The following KIF24 variants were observed in gnomAD, a reference collection of about 807,000 sequenced individuals.
KIF24 encodes the protein kinesin-like protein KIF24.
In KIF24, 81 loss-of-function variants were observed where a neutral mutation model predicts 118.9. That is an observed-to-expected ratio of 0.68 (90% CI 0.57 to 0.82). The LOEUF (loss-of-function observed/expected upper bound fraction) is 0.82. Ranked by LOEUF, KIF24 falls within the 40% of genes least tolerant of loss-of-function variation. The pLI, the probability that KIF24 is intolerant of heterozygous loss-of-function variation, is 0.00. For synonymous variants in KIF24, 599 were observed against 610.0 expected (o/e 0.98, Z 0.27); for missense variants, 1,560 against 1,661.6 (o/e 0.94, Z 1.06).
chr9:34,280,330 A>G (rs923988479), intron 6 of KIF24, among the ~76,000 whole-genome samples: 4 of 148,452 alleles, frequency 2.7e-5, no homozygotes, highest in Non-Finnish European at 5.9e-5. Flanking sequence ...AGTGCCATAA[A>G]CTCTTCCAGG....
intron 1 of KIF24, among the ~76,000 whole-genome samples, chr9:34,324,902 T>A (rs903524747): frequency 1.3e-5 from 2 of 152,208 alleles, no homozygotes; most frequent in African/African-American, 4.8e-5. Context: ...TCTCCCCCAA[T>A]GTGATCAGAT....
chr9:34,320,132 G>C (rs904360905), intron 1 of KIF24, among the ~76,000 whole-genome samples: 1 of 152,082 alleles, frequency 6.6e-6, no homozygotes, highest in Non-Finnish European at 1.5e-5. Flanking sequence ...GAATGACCTG[G>C]CCCCATTGAG....
chr9:34,322,306 G>C (rs1381393934), intron 1 of KIF24, among the ~76,000 whole-genome samples: 1 of 151,948 alleles, frequency 6.6e-6, no homozygotes, highest in Non-Finnish European at 1.5e-5. Flanking sequence ...AAGAAACCCA[G>C]TACCCAGTGG....
At chr9:34,311,725 C>T (rs12686003) in intron 1 of KIF24, among the ~76,000 whole-genome samples, 2 of 133,952 alleles carry the variant, frequency 1.5e-5, no homozygotes, top group Non-Finnish European at 3.1e-5. Context: ...TATGTATATA[C>T]ACGTATATAT....
chr9:34,319,774 C>A (rs1837455304), intron 1 of KIF24: 7 of 583,396 alleles, frequency 1.2e-5, no homozygotes, highest in Non-Finnish European at 2.2e-5. Flanking sequence ...TGGGGGTGGA[C>A]AAACAAACCA....
Position 34,256,371 on chromosome 9 carries a change from C to T in KIF24, c.3236G>A (p.Ser1079Asn). 6.2e-7 allele frequency: 1 copy of T among 1,613,904 alleles called. No homozygotes were observed. Among genetic ancestry groups the T allele is most frequent in the African/African-American group, 1.3e-5 (1 of 75,062 alleles). ...EQLVQDGATH[S>N]LVAESTGGPV... ...GCCCCCTGTGCTCTCTGCCACTAGA[C>T]TGTGCGTAGCCCCATCCTGGACCAG... Residue 1079 changes from serine to asparagine, a missense_variant, in exon 11 of 13, where the codon AGT becomes AAT. Around this residue, in one of 3 missense-constraint regions of KIF24, gnomAD observed 591 missense variants for 655.6 expected, o/e 0.90. Coordinates refer to ENST00000402558, the MANE Select transcript of KIF24 (RefSeq NM_194313.4).
At position 34,329,166 on chromosome 9, in the gene KIF24, G is replaced by A. The variant is rs999616126; in HGVS notation, c.-86C>T. Among the ~76,000 whole-genome samples, 1 of 152,232 alleles carries A rather than the reference G, an allele frequency of 6.6e-6. No homozygotes were observed. Among genetic ancestry groups the A allele is most frequent in the African/African-American group, 2.4e-5 (1 of 41,458 alleles). On this transcript the variant is annotated 5_prime_UTR_variant, in exon 1 of 13. Coordinates refer to ENST00000402558, the MANE Select transcript of KIF24 (RefSeq NM_194313.4). ...AGAGGAGAAGACAATGCCGTCGGGA[G>A]TGAGCCCCAAAGCCCGCAACCTAAC...
intron 12 of KIF24, 26 bp downstream of exon 12, chr9:34,255,046 G>A: frequency 6.8e-7 from 1 of 1,477,938 alleles, no homozygotes; most frequent in Non-Finnish European, 9.3e-7. Flanking sequence ...CCAACAGCCT[G>A]TGAGTGTCCA....
intron 4 of KIF24, among the ~76,000 whole-genome samples, chr9:34,294,503 G>A (rs896630536): frequency 6.6e-6 from 1 of 151,814 alleles, no homozygotes; most frequent in African/African-American, 2.4e-5. Flanking sequence ...AGCTGAGATC[G>A]CACCATTGCA....
At chr9:34,297,149 C>G (rs780676758) in intron 3 of KIF24, 35 bp from the exon 4 acceptor site, 12 of 1,260,814 alleles carry the variant, frequency 9.5e-6, no homozygotes, top group Non-Finnish European at 1.2e-5. Context: ...GAAAGAGACA[C>G]ATTCTGGATT....
At chr9:34,306,718 C>T (rs1190710357) in intron 2 of KIF24, among the ~76,000 whole-genome samples, 1 of 151,812 alleles carries the variant, frequency 6.6e-6, no homozygotes, top group Non-Finnish European at 1.5e-5. Flanking sequence ...AGGAGAATGG[C>T]GTGAACCCGG....
chr9:34,308,811 G>A (rs781150305), intron 2 of KIF24, among the ~76,000 whole-genome samples: 7 of 152,142 alleles, frequency 4.6e-5, no homozygotes, highest in Non-Finnish European at 8.8e-5. Flanking sequence ...AGGGCAGAGT[G>A]GCTCTCACCT....
chr9:34,314,800 G>T (rs768213442), intron 1 of KIF24, among the ~76,000 whole-genome samples: 2 of 152,194 alleles, frequency 1.3e-5, no homozygotes, highest in Non-Finnish European at 2.9e-5. Context: ...AATAAATTAT[G>T]ATAGTCCATT....
chr9:34,325,868 A>T (rs547045615), intron 1 of KIF24, among the ~76,000 whole-genome samples: 82 of 152,342 alleles, frequency 5.4e-4, no homozygotes, highest in African/African-American at 1.9e-3. Flanking sequence ...AAATTGTGAC[A>T]GAGATGCTGG....
chr9:34,279,117 G>A (rs974069864), intron 6 of KIF24, among the ~76,000 whole-genome samples: 3 of 152,056 alleles, frequency 2.0e-5, no homozygotes, highest in Admixed American at 6.6e-5. Flanking sequence ...AAAACAAAAC[G>A]AAAAACTGTG....
chr9:34,299,803 G>A (rs183071093), intron 3 of KIF24, among the ~76,000 whole-genome samples: 117 of 111,490 alleles, frequency 1.0e-3, no homozygotes, highest in Admixed American at 3.9e-3. Context: ...GGGCTACCAA[G>A]ATGTGTGTGT....
At chr9:34,311,680 A>C (rs199818827) in intron 1 of KIF24, among the ~76,000 whole-genome samples, 8,854 of 104,734 alleles carry the variant, frequency 0.085, 636 homozygotes, top group East Asian at 0.35. Flanking sequence ...GTGTATATGT[A>C]TATATATACG....
At chr9:34,279,124 T>C (rs1835756905) in intron 6 of KIF24, among the ~76,000 whole-genome samples, 1 of 152,088 alleles carries the variant, frequency 6.6e-6, no homozygotes, top group South Asian at 2.1e-4. Context: ...AACGAAAAAC[T>C]GTGGTGGTGC....
upstream of KIF24, among the ~76,000 whole-genome samples, chr9:34,333,225 C>T (rs1015005073): frequency 5.3e-5 from 8 of 152,132 alleles, no homozygotes; most frequent in East Asian, 1.3e-3. Flanking sequence ...GAGTCTTCTT[C>T]GGATACCAGG....
Sources: gnomAD v4.1 joint callset for allele counts (sites outside exome capture counted in the v4.1 genomes callset) on GRCh38, gnomAD v4.1.1 for gene constraint, gnomAD v4.1.1 regional missense constraint, MANE v1.5 for transcripts, NCBI Gene and HGNC (gene_info 2026-07-23, HGNC 2026-07-21) for gene names.